SLC9A9: variants seen among roughly 807,000 people sequenced by gnomAD.
The protein encoded by SLC9A9 is solute carrier family 9 member A9.
A neutral mutation model predicts 77.8 loss-of-function variants in SLC9A9; 62 were observed. The observed-to-expected ratio is 0.80, with a 90% CI of 0.65 to 0.98. SLC9A9 has a LOEUF of 0.98. Among genes scored for constraint, SLC9A9 ranks in the 50% least tolerant of loss-of-function variants. SLC9A9 has a pLI of 0.00. For synonymous variants in SLC9A9, 320 were observed against 283.5 expected (o/e 1.13, Z -1.29); for missense variants, 775 against 774.9 (o/e 1.00, Z 0.00).
chr3:143,670,127 C>G (rs555933976), intron 5 of SLC9A9, among the ~76,000 whole-genome samples: 1 of 152,326 alleles, frequency 6.6e-6, no homozygotes, highest in East Asian at 1.9e-4. Flanking sequence ...AGAACAGTTC[C>G]TATTCTGTGT....
intron 12 of SLC9A9, among the ~76,000 whole-genome samples, chr3:143,403,560 T>C (rs2033908798): frequency 6.6e-6 from 1 of 152,192 alleles, no homozygotes; most frequent in Non-Finnish European, 1.5e-5. Context: ...AAATTCAGTC[T>C]TTATTTGGAA....
At chr3:143,705,351 A>C (rs1933943076) in intron 4 of SLC9A9, among the ~76,000 whole-genome samples, 1 of 152,126 alleles carries the variant, frequency 6.6e-6, no homozygotes. Flanking sequence ...GGTACAAAAA[A>C]AAGTTAGCAA....
chr3:143,598,361 AG>A (rs2037792360), intron 6 of SLC9A9, among the ~76,000 whole-genome samples: 2 of 152,184 alleles, frequency 1.3e-5, no homozygotes, highest in African/African-American at 2.4e-5. Flanking sequence ...AGAATTAAGG[AG>A]ATGTGTCTAA....
chr3:143,328,116 T>G (rs2031656353), intron 14 of SLC9A9, among the ~76,000 whole-genome samples: 1 of 152,196 alleles, frequency 6.6e-6, no homozygotes, highest in African/African-American at 2.4e-5. Context: ...CATATGATAC[T>G]ATAGTGGTAG....
At chr3:143,548,453 C>T (rs1413911028) in intron 9 of SLC9A9, among the ~76,000 whole-genome samples, 5 of 152,016 alleles carry the variant, frequency 3.3e-5, no homozygotes, top group African/African-American at 7.2e-5. Context: ...CTTGAGTATC[C>T]CTAGCACTGC....
At chr3:143,353,579 G>A (rs2032518274) in intron 14 of SLC9A9, among the ~76,000 whole-genome samples, 1 of 152,128 alleles carries the variant, frequency 6.6e-6, no homozygotes, top group African/African-American at 2.4e-5. Flanking sequence ...GAAGCTACTA[G>A]TCTAATGTAT....
chr3:143,451,017 T>C (rs1301349224), intron 12 of SLC9A9, among the ~76,000 whole-genome samples: 2 of 152,094 alleles, frequency 1.3e-5, no homozygotes, highest in East Asian at 1.9e-4. Context: ...AATTGCATCC[T>C]ATAGGTAATC....
chr3:143,505,009 T>A (rs907692562), intron 9 of SLC9A9, among the ~76,000 whole-genome samples: 1 of 152,142 alleles, frequency 6.6e-6, no homozygotes, highest in East Asian at 1.9e-4. Context: ...CACATCTTGT[T>A]TGATCATCGG....
At chr3:143,687,380 GA>G (rs1445003193) in intron 5 of SLC9A9, among the ~76,000 whole-genome samples, 1 of 152,168 alleles carries the variant, frequency 6.6e-6, no homozygotes, top group Non-Finnish European at 1.5e-5. Flanking sequence ...TGTGGGGTAA[GA>G]TTAACTAGGT....
chr3:143,835,373 C>G (rs1164066522), intron 1 of SLC9A9, among the ~76,000 whole-genome samples: 1 of 152,218 alleles, frequency 6.6e-6, no homozygotes, highest in Non-Finnish European at 1.5e-5. Context: ...TGTGAAAAAT[C>G]TCAGCCTCCT....
At chr3:143,421,930 G>T (rs990100566) in intron 12 of SLC9A9, among the ~76,000 whole-genome samples, 2 of 151,982 alleles carry the variant, frequency 1.3e-5, no homozygotes, top group African/African-American at 4.8e-5. Flanking sequence ...TGGACAAAAG[G>T]CATGAACAGA....
chr3:143,718,614 G>A (rs1347909286), intron 4 of SLC9A9, among the ~76,000 whole-genome samples: 3 of 152,128 alleles, frequency 2.0e-5, no homozygotes, highest in Non-Finnish European at 2.9e-5. Flanking sequence ...CCCTTCCCAC[G>A]TAACAGCTGA....
At chr3:143,798,085 C>T (rs954084543) in intron 2 of SLC9A9, among the ~76,000 whole-genome samples, 11 of 152,278 alleles carry the variant, frequency 7.2e-5, no homozygotes, top group Middle Eastern at 3.4e-3. Context: ...ATTTTAAATC[C>T]GGTAAGCGGA....
chr3:143,329,374 A>C (rs78694872), intron 14 of SLC9A9, among the ~76,000 whole-genome samples: 2,638 of 152,320 alleles, frequency 0.017, 75 homozygotes, highest in African/African-American at 0.061. Flanking sequence ...AAAATGAAAA[A>C]ATAAAGTTGT....
intron 12 of SLC9A9, among the ~76,000 whole-genome samples, chr3:143,383,204 C>A (rs1441288335): frequency 2.0e-5 from 3 of 152,176 alleles, no homozygotes; most frequent in South Asian, 2.1e-4. Flanking sequence ...CATCTCAAAC[C>A]TTGTTTTTCC....
chr3:143,546,294 C>T (rs1278537133), intron 9 of SLC9A9, among the ~76,000 whole-genome samples: 1 of 152,116 alleles, frequency 6.6e-6, no homozygotes, highest in Non-Finnish European at 1.5e-5. Context: ...CTATAAATAT[C>T]ATCTGGGGGG....
intron 4 of SLC9A9, among the ~76,000 whole-genome samples, chr3:143,761,082 G>A (rs2007105087): frequency 6.6e-6 from 1 of 152,184 alleles, no homozygotes; most frequent in South Asian, 2.1e-4. Context: ...ACAAAAACAG[G>A]AAATGGGGAA....
intron 6 of SLC9A9, among the ~76,000 whole-genome samples, chr3:143,589,863 G>A (rs2037617189): frequency 6.6e-6 from 1 of 152,136 alleles, no homozygotes; most frequent in African/African-American, 2.4e-5. Flanking sequence ...TGCTCACAGA[G>A]AAATAACTCG....
intron 8 of SLC9A9, among the ~76,000 whole-genome samples, chr3:143,556,703 T>A (rs905935221): frequency 1.3e-5 from 2 of 152,210 alleles, no homozygotes; most frequent in African/African-American, 4.8e-5. Context: ...CCACCAACTC[T>A]CTACCCAATT....
Sources: gnomAD v4.1 joint callset for allele counts (sites outside exome capture counted in the v4.1 genomes callset) on GRCh38, gnomAD v4.1.1 for gene constraint, MANE v1.5 for transcripts, NCBI Gene and HGNC (gene_info 2026-07-23, HGNC 2026-07-21) for gene names.